KCNA5: variants seen among roughly 807,000 people sequenced by gnomAD.
KCNA5 encodes potassium voltage-gated channel subfamily A member 5, also known as cardiac potassium channel.
A neutral mutation model predicts 26.5 loss-of-function variants in KCNA5; 22 were observed. The observed-to-expected ratio is 0.83, with a 90% CI of 0.59 to 1.18. KCNA5 has a LOEUF of 1.18. KCNA5 is among the 50% of genes most tolerant of loss of function. KCNA5 has a pLI of 0.00. For missense variants in KCNA5, 916 were observed against 843.2 expected, an observed-to-expected ratio of 1.09 and a Z score of -1.07; for synonymous variants, 465 against 372.8, an observed-to-expected ratio of 1.25 and a Z score of -2.85.
rs71581016 is a variant in KCNA5 at position 5,045,808 on chromosome 12, G to A, written c.1661G>A (p.Arg554Gln). The change falls in exon 1 of 1, where the codon CGG (arginine) becomes CAG (glutamine). Residue 554 changes from arginine to glutamine, a missense_variant. Transcript: ENST00000252321. This position sits in a 1 kb window ranked among gnomAD's most constrained non-coding sequence, Gnocchi z 5.6. ...CCGGGGCTGGACAGAGGAGTCCAGC[G>A]GAAGGTCAGCGGGAGCAGGGGATCC... The part of the protein sequence containing the change: ...QGPGLDRGVQ[R>Q]KVSGSRGSFC... 47 of 1,614,006 alleles carry A rather than the reference G, an allele frequency of 2.9e-5. No individual in the cohort carries two copies. Among genetic ancestry groups the A allele is most frequent in the African/African-American group, 2.3e-4 (17 of 74,918 alleles).
Position 5,044,073 on chromosome 12 carries a change from A to C in KCNA5, c.-75A>C. On this transcript the variant is annotated 5_prime_UTR_variant, in exon 1 of 1. Coordinates refer to ENST00000252321, the MANE Select transcript of KCNA5 (RefSeq NM_002234.4). ...GACCGCTGGAGCGGAGCCTGACGCC[A>C]GGCGCCCGCGGAGCGTGAGTAGGGG... The C allele has an allele frequency of 6.7e-7, 1 of 1,489,892 alleles. No individual in the cohort carries two copies. Among genetic ancestry groups the C allele is most frequent in the Non-Finnish European group, 9.0e-7 (1 of 1,108,598 alleles). 92.3% of individuals were successfully genotyped at this position (1,489,892 alleles called of 1,614,324 possible). A position where few individuals can be genotyped will look rare whatever the true frequency, so the allele number is the denominator to read the frequency against.
chr12:5,044,892 G>A lies in KCNA5; in HGVS notation c.745G>A (p.Ala249Thr), dbSNP rs1862755620. 6.2e-7 allele frequency: 1 copy of A among 1,613,734 alleles called. No individual in the cohort carries two copies. The highest frequency in any genetic ancestry group is 8.5e-7 in the Non-Finnish European group (1 of 1,180,022). ...IFEYPESSGSARAIAIVSVLV... is the reference protein window; with the variant it reads ...IFEYPESSGSTRAIAIVSVLV... The stretch of plus-strand genomic sequence containing the variant: ...CGAGTATCCGGAGAGCTCTGGGTCC[G>A]CGCGGGCCATCGCCATCGTCTCGGT... Residue 249 changes from alanine to threonine, a missense_variant, in exon 1 of 1, where the codon GCG becomes ACG. By Grantham distance (58) the Ala-to-Thr change is moderately conservative (BLOSUM62 0). Transcript: ENST00000252321.
Position 5,045,370 on chromosome 12 carries a change from T to G in KCNA5, c.1223T>G (p.Phe408Cys), listed in dbSNP as rs1179836686. The G allele has an allele frequency of 6.2e-7, 1 of 1,612,900 alleles. No homozygotes were observed. The highest frequency in any genetic ancestry group is 8.5e-7 in the Non-Finnish European group (1 of 1,179,744). Residue 408 changes from phenylalanine to cysteine, a missense_variant, in exon 1 of 1, where the codon TTC becomes TGC. By Grantham distance (205) the Phe-to-Cys change is radical. Coordinates refer to ENST00000252321, the MANE Select transcript of KCNA5 (RefSeq NM_002234.4). This position sits in a 1 kb window ranked among gnomAD's most constrained non-coding sequence, Gnocchi z 5.6. ...CGAGTCATCCGCCTGGTCCGGGTGT[T>G]CCGCATCTTCAAGCTCTCCCGCCAC... ...ILRVIRLVRV[F>C]RIFKLSRHSK... is the part of the protein sequence containing the mutation.
Position 5,044,995 on chromosome 12 carries a change from G to A in KCNA5, c.848G>A (p.Arg283His), listed in dbSNP as rs1020769441. The stretch of plus-strand genomic sequence containing the variant: ...TTCAGGGATGAACGTGAGCTGCTCC[G>A]CCACCCTCCGGCGCCCCACCAGCCT... ...PEFRDERELLRHPPAPHQPPA... is the reference protein window; with the variant it reads ...PEFRDERELLHHPPAPHQPPA... Residue 283 changes from arginine to histidine, a missense_variant, in exon 1 of 1, where the codon CGC (arginine) becomes CAC (histidine). Transcript: ENST00000252321. 5.6e-6 allele frequency: 9 copies of A among 1,612,778 alleles called. No individual in the cohort carries two copies. Among genetic ancestry groups the A allele is most frequent in the Admixed American group, 5.0e-5 (3 of 60,004 alleles).
Position 5,045,980 on chromosome 12 carries a change from A to G in KCNA5, c.1833A>G (p.Thr611=). The change falls in exon 1 of 1, where the codon ACA becomes ACG. Residue 611 remains threonine, a synonymous_variant. Coordinates refer to ENST00000252321, the MANE Select transcript of KCNA5 (RefSeq NM_002234.4). The surrounding 1 kb of genome is among the most constrained non-coding windows in gnomAD (Gnocchi z 5.6). ...YALCLDTSRE[T]DL is the part of the protein sequence containing the mutation. Reference sequence around the variant, plus strand: ...TCTGCCTGGACACCAGCCGGGAAACAGATTTGTGAAAGGAGATTCAGGCAG... The same window carrying G: ...TCTGCCTGGACACCAGCCGGGAAACGGATTTGTGAAAGGAGATTCAGGCAG... 1 of 1,613,350 alleles carries G rather than the reference A, an allele frequency of 6.2e-7. No homozygotes were observed. The highest frequency in any genetic ancestry group is 8.5e-7 in the Non-Finnish European group (1 of 1,180,034).
At position 5,044,303 on chromosome 12, in the gene KCNA5, G is replaced by T. The variant is rs768347248; in HGVS notation, c.156G>T (p.Lys52Asn). 5 of 1,548,944 alleles carry T rather than the reference G, an allele frequency of 3.2e-6. No individual in the cohort carries two copies. The East Asian group carries it at 1.2e-4, about 37-fold the overall frequency. ...LSDGPKEPAP[K>N]GRGAQRDADS... ...ATGGGCCCAAGGAGCCGGCGCCAAA[G>T]GGGCGCGGCGCGCAGAGAGACGCGG... The change falls in exon 1 of 1, where the codon AAG becomes AAT. Residue 52 changes from lysine to asparagine, a missense_variant. By Grantham distance (94) the Lys-to-Asn change is moderately conservative. Coordinates refer to ENST00000252321, the MANE Select transcript of KCNA5 (RefSeq NM_002234.4).
Position 5,044,335 on chromosome 12 carries a change from G to T in KCNA5, c.188G>T (p.Gly63Val), listed in dbSNP as rs768062067. The T allele has an allele frequency of 1.0e-5, 16 of 1,548,500 alleles. No individual in the cohort carries two copies. The African/African-American group carries it at 2.0e-4, about 20-fold the overall frequency. Residue 63 changes from glycine (G) to valine (V), a missense_variant, in exon 1 of 1, where the codon GGA becomes GTA. By Grantham distance (109) the Gly-to-Val change is moderately radical. Coordinates refer to ENST00000252321, the MANE Select transcript of KCNA5 (RefSeq NM_002234.4). The stretch of plus-strand genomic sequence containing the variant: ...GGCGCGCAGAGAGACGCGGACTCGG[G>T]AGTGCGGCCCTTGCCTCCGCTGCCG... Reference protein sequence around the residue: ...GRGAQRDADSGVRPLPPLPDP... With the variant: ...GRGAQRDADSVVRPLPPLPDP...
chr12:5,045,930 G>A lies in KCNA5; in HGVS notation c.1783G>A (p.Asp595Asn). 1 of 1,613,900 alleles carries A rather than the reference G, an allele frequency of 6.2e-7. No individual in the cohort carries two copies. Among genetic ancestry groups the A allele is most frequent in the Non-Finnish European group, 8.5e-7 (1 of 1,180,046 alleles). ...TAACGTCAAGGCCAAGAGCAACGTG[G>A]ACTTGCGGAGGTCCCTTTATGCCCT... ...KCNVKAKSNV[D>N]LRRSLYALCL... The change falls in exon 1 of 1, where the codon GAC becomes AAC. Residue 595 changes from aspartate to asparagine, a missense_variant. Transcript: ENST00000252321. The surrounding 1 kb of genome is among the most constrained non-coding windows in gnomAD (Gnocchi z 5.6).
At position 5,044,029 on chromosome 12, in the gene KCNA5, C is replaced by T. The variant is rs1591660903; in HGVS notation, c.-119C>T. On this transcript the variant is annotated 5_prime_UTR_variant, in exon 1 of 1. Transcript: ENST00000252321. Reference sequence around the variant, plus strand: ...GGATCGCGCCAGCAACCCCAGCTCTCCCCAGAGAGGGGCCGGCCGACCGCT... The same window carrying T: ...GGATCGCGCCAGCAACCCCAGCTCTTCCCAGAGAGGGGCCGGCCGACCGCT... 1 of 1,157,080 alleles carries T rather than the reference C, an allele frequency of 8.6e-7. No homozygotes were observed. Among genetic ancestry groups the T allele is most frequent in the Admixed American group, 2.1e-5 (1 of 47,468 alleles). The allele number at this position is 1,157,080 out of a possible 1,614,324, so 71.7% of individuals were successfully genotyped here.
At position 5,045,834 on chromosome 12, in the gene KCNA5, T is replaced by A. The variant is rs1375359685; in HGVS notation, c.1687T>A (p.Phe563Ile). 1 of 1,614,098 alleles carries A rather than the reference T, an allele frequency of 6.2e-7. No individual in the cohort carries two copies. Among genetic ancestry groups the A allele is most frequent in the East Asian group, 2.2e-5 (1 of 44,864 alleles). Residue 563 changes from phenylalanine to isoleucine, a missense_variant, in exon 1 of 1, where the codon TTC becomes ATC. Physicochemically the swap from Phe to Ile is conservative, Grantham distance 21 (BLOSUM62 0). Coordinates refer to ENST00000252321, the MANE Select transcript of KCNA5 (RefSeq NM_002234.4). The surrounding 1 kb of genome is among the most constrained non-coding windows in gnomAD (Gnocchi z 5.6). ...QRKVSGSRGS[F>I]CKAGGTLENA... Reference sequence around the variant, plus strand: ...GAAGGTCAGCGGGAGCAGGGGATCCTTCTGCAAGGCTGGGGGGACCCTGGA... The same window carrying A: ...GAAGGTCAGCGGGAGCAGGGGATCCATCTGCAAGGCTGGGGGGACCCTGGA...
At position 5,046,201 on chromosome 12, in the gene KCNA5, T is replaced by G; in HGVS notation, c.*212T>G. On this transcript the variant is annotated 3_prime_UTR_variant, in exon 1 of 1. Transcript: ENST00000252321. ...TCGCCTATTTTTAAAAAGTACCACA[T>G]TCCATGACGCAGGAGCTGTGGAAAT... The G allele has an allele frequency of 1.6e-6, 1 of 641,800 alleles. No individual in the cohort carries two copies. The highest frequency in any genetic ancestry group is 2.8e-6 in the Non-Finnish European group (1 of 351,748). The allele number at this position is 641,800 out of a possible 1,614,324, so 39.8% of individuals were successfully genotyped here.
Position 5,044,485 on chromosome 12 carries a change from G to C in KCNA5, c.338G>C (p.Gly113Ala), listed in dbSNP as rs1028546554. The change falls in exon 1 of 1, where the codon GGC becomes GCC. Residue 113 changes from glycine (G) to alanine (A), a missense_variant. By Grantham distance (60) the Gly-to-Ala change is moderately conservative. Coordinates refer to ENST00000252321, the MANE Select transcript of KCNA5 (RefSeq NM_002234.4). ...GLGTVEDQALGTASLHHQRVH... is the reference protein window; with the variant it reads ...GLGTVEDQALATASLHHQRVH... The stretch of plus-strand genomic sequence containing the variant: ...GGCACGGTGGAGGACCAGGCTCTGG[G>C]CACGGCGTCCCTGCACCACCAGCGC... The C allele has an allele frequency of 6.2e-7, 1 of 1,612,112 alleles. No homozygotes were observed. The highest frequency in any genetic ancestry group is 8.5e-7 in the Non-Finnish European group (1 of 1,179,298).
Position 5,045,893 on chromosome 12 carries a change from C to G in KCNA5, c.1746C>G (p.Pro582=). ...NADSARRGSC[P]LEKCNVKAKS... ...ACAGTGCCCGAAGGGGCAGCTGCCC[C>G]CTAGAGAAGTGTAACGTCAAGGCCA... Residue 582 remains proline (P), a synonymous_variant, in exon 1 of 1, where the codon CCC becomes CCG. Coordinates refer to ENST00000252321, the MANE Select transcript of KCNA5 (RefSeq NM_002234.4). This position sits in a 1 kb window ranked among gnomAD's most constrained non-coding sequence, Gnocchi z 5.6. The G allele has an allele frequency of 6.2e-7, 1 of 1,613,998 alleles. No individual in the cohort carries two copies. Among genetic ancestry groups the G allele is most frequent in the East Asian group, 2.2e-5 (1 of 44,874 alleles).
chr12:5,045,051 G>A lies in KCNA5; in HGVS notation c.904G>A (p.Gly302Arg), dbSNP rs564798632. 7.4e-6 allele frequency: 12 copies of A among 1,612,326 alleles called. No homozygotes were observed. The highest frequency in any genetic ancestry group is 1.0e-5 in the Non-Finnish European group (12 of 1,179,424). ...PAPAPGANGS[G>R]VMAPPSGPTV... ...GCCCGCCCCTGGGGCCAACGGCAGC[G>A]GGGTCATGGCCCCGCCCTCTGGCCC... Residue 302 changes from glycine (G) to arginine (R), a missense_variant, in exon 1 of 1, where the codon GGG becomes AGG. Gly to Arg is a moderately radical substitution (Grantham distance 125, BLOSUM62 -2). Transcript: ENST00000252321. This position sits in a 1 kb window ranked among gnomAD's most constrained non-coding sequence, Gnocchi z 5.6.
rs1310018322 is a variant in KCNA5, at chr12:5,045,713, C to T, written c.1566C>T (p.Phe522=). Residue 522 remains phenylalanine (F), a synonymous_variant, in exon 1 of 1, where the codon TTC becomes TTT. Coordinates refer to ENST00000252321, the MANE Select transcript of KCNA5 (RefSeq NM_002234.4). This position sits in a 1 kb window ranked among gnomAD's most constrained non-coding sequence, Gnocchi z 5.6. ...VPVIVSNFNY[F]YHRETDHEEP... Reference sequence around the variant, plus strand: ...TCATCGTCTCCAACTTCAACTACTTCTACCACCGGGAAACGGATCACGAGG... The same window carrying T: ...TCATCGTCTCCAACTTCAACTACTTTTACCACCGGGAAACGGATCACGAGG... 1 of 1,614,180 alleles carries T rather than the reference C, an allele frequency of 6.2e-7. No individual in the cohort carries two copies. The highest frequency in any genetic ancestry group is 1.7e-5 in the Admixed American group (1 of 60,024).
In KCNA5 at chr12:5,045,620, T is replaced by TG. The variant is rs1166971033; in HGVS notation, c.1478dup (p.Lys494GlnfsTer43). 6.2e-7 allele frequency: 1 copy of TG among 1,614,128 alleles called. No individual in the cohort carries two copies. Among genetic ancestry groups the TG allele is most frequent in the Non-Finnish European group, 8.5e-7 (1 of 1,180,004 alleles). On this transcript the variant is annotated frameshift_variant, in exon 1 of 1. Transcript: ENST00000252321. LOFTEE classifies it high-confidence loss of function. The surrounding 1 kb of genome is among the most constrained non-coding windows in gnomAD (Gnocchi z 5.6). The stretch of plus-strand genomic sequence containing the variant: ...ACGGGGACATGAGGCCCATCACTGT[T>TG]GGGGGCAAGATCGTGGGCTCGCTGT...
At position 5,044,291 on chromosome 12, in the gene KCNA5, G is replaced by A; in HGVS notation, c.144G>A (p.Glu48=). 1 of 1,547,414 alleles carries A rather than the reference G, an allele frequency of 6.5e-7. No homozygotes were observed. Among genetic ancestry groups the A allele is most frequent in the South Asian group, 1.2e-5 (1 of 84,896 alleles). The change falls in exon 1 of 1, where the codon GAG becomes GAA. Residue 48 remains glutamate (E), a synonymous_variant. Transcript: ENST00000252321. ...CTGGGCTCAGCGATGGGCCCAAGGA[G>A]CCGGCGCCAAAGGGGCGCGGCGCGC... ...PTAGLSDGPK[E]PAPKGRGAQR...
In KCNA5 at chr12:5,044,258, C is replaced by A. The variant is rs752804956; in HGVS notation, c.111C>A (p.Pro37=). 7 of 1,541,126 alleles carry A rather than the reference C, an allele frequency of 4.5e-6. No homozygotes were observed. The highest frequency in any genetic ancestry group is 5.2e-6 in the Non-Finnish European group (6 of 1,149,018). Residue 37 remains proline (P), a synonymous_variant, in exon 1 of 1, where the codon CCC becomes CCA. Transcript: ENST00000252321. ...GQATGGELQC[P]PTAGLSDGPK... is the part of the protein sequence containing the mutation. ...CCACAGGGGGAGAGCTCCAGTGTCCCCCGACGGCTGGGCTCAGCGATGGGC... is the reference window on the plus strand; with the variant it reads ...CCACAGGGGGAGAGCTCCAGTGTCCACCGACGGCTGGGCTCAGCGATGGGC...
At position 5,046,678 on chromosome 12, in the gene KCNA5, A is replaced by G. The variant is rs961891869; in HGVS notation, c.*689A>G. 2 of 166,972 alleles carry G rather than the reference A, an allele frequency of 1.2e-5. No individual in the cohort carries two copies. Among genetic ancestry groups the G allele is most frequent in the Admixed American group, 1.3e-4 (2 of 15,288 alleles). The allele number at this position is 166,972 out of a possible 1,614,324, so 10.3% of individuals were successfully genotyped here. A position where few individuals can be genotyped will look rare whatever the true frequency, so the allele number is the denominator to read the frequency against. ...TGACTTTTTCTGTGCGCCTTAAACA[A>G]TTCTTGTAACTTTCTTCAAAAAGCA... is the stretch of plus-strand genomic sequence containing the variant. On this transcript the variant is annotated 3_prime_UTR_variant, in exon 1 of 1. Coordinates refer to ENST00000252321, the MANE Select transcript of KCNA5 (RefSeq NM_002234.4).
Sources: allele counts gnomAD v4.1 joint callset, GRCh38; gene constraint gnomAD v4.1.1; non-coding constraint Gnocchi (gnomAD v3.1); transcripts MANE v1.5; gene names NCBI Gene and HGNC (gene_info 2026-07-23, HGNC 2026-07-21).